PPP4R4: variants seen among roughly 807,000 people sequenced by gnomAD.
The protein encoded by PPP4R4 is protein phosphatase 4 regulatory subunit 4, also known as serine/threonine-protein phosphatase 4 regulatory subunit 4.
Under a neutral mutation model 121.8 loss-of-function variants are expected in PPP4R4, and 70 were observed. The observed-to-expected ratio is 0.57, with a 90% CI of 0.47 to 0.70. The LOEUF (loss-of-function observed/expected upper bound fraction) is 0.70. Among genes scored for constraint, PPP4R4 ranks in the 30% least tolerant of loss-of-function variants. The pLI, the probability that PPP4R4 is intolerant of heterozygous loss-of-function variation, is 0.00. For synonymous variants in PPP4R4, 348 were observed against 355.7 expected (o/e 0.98, Z 0.24); for missense variants, 875 against 1,033.6 (o/e 0.85, Z 2.10).
intron 2 of PPP4R4, among the ~76,000 whole-genome samples, chr14:94,193,096 AT>A (rs1195833011): frequency 6.6e-6 from 1 of 152,134 alleles, no homozygotes; most frequent in African/African-American, 2.4e-5. Context: ...TCCTTTCTTG[AT>A]TGCAACAAAT....
At chr14:94,270,936 A>C (rs1257908948) in intron 23 of PPP4R4, among the ~76,000 whole-genome samples, 1 of 151,030 alleles carries the variant, frequency 6.6e-6, no homozygotes, top group African/African-American at 2.4e-5. Flanking sequence ...AAACAACAAC[A>C]ACAACAACAA....
intron 1 of PPP4R4, among the ~76,000 whole-genome samples, chr14:94,175,070 G>A (rs922742334): frequency 6.8e-6 from 1 of 148,094 alleles, no homozygotes; most frequent in African/African-American, 2.5e-5. Context: ...GACGCCGCCC[G>A]GGTTCTGGCC....
chr14:94,242,445 G>A, intron 11 of PPP4R4, 37 bp downstream of exon 11: 1 of 1,568,872 alleles, frequency 6.4e-7, no homozygotes. Context: ...TACGTTTGTT[G>A]TTAATTCTAC....
chr14:94,200,668 AT>A (rs1275509378), intron 2 of PPP4R4, among the ~76,000 whole-genome samples: 2 of 151,748 alleles, frequency 1.3e-5, no homozygotes, highest in Non-Finnish European at 2.9e-5. Context: ...TTTCTGTGGT[AT>A]TGGTTGTGAT....
intron 23 of PPP4R4, 124 bp downstream of exon 23, chr14:94,267,153 C>T (rs1288462974): frequency 1.7e-6 from 1 of 587,712 alleles, no homozygotes. Context: ...TATCAGGTCC[C>T]TAAGAAATTA....
Position 94,279,690 on chromosome 14 carries a change from TAATG to T in PPP4R4, c.*1051_*1054del, listed in dbSNP as rs1221042963. The T allele has an allele frequency of 6.6e-6, 1 of 152,652 alleles. No homozygotes were observed. Among genetic ancestry groups the T allele is most frequent in the African/African-American group, 2.4e-5 (1 of 41,454 alleles). 9.5% of individuals were successfully genotyped at this position (152,652 alleles called of 1,614,324 possible). A position where few individuals can be genotyped will look rare whatever the true frequency, so the allele number is the denominator to read the frequency against. On this transcript the variant is annotated 3_prime_UTR_variant, in exon 25 of 25. Coordinates refer to ENST00000304338, the MANE Select transcript of PPP4R4 (RefSeq NM_058237.2). ...TGTGGTTACTTTTTATAATGTGAAA[TAATG>T]AATAATGAATTTACTCAAAATAAAA...
At chr14:94,270,903 G>A (rs185918681) in intron 23 of PPP4R4, among the ~76,000 whole-genome samples, 1 of 145,710 alleles carries the variant, frequency 6.9e-6, no homozygotes, top group East Asian at 2.3e-4. Flanking sequence ...GGGAGACAGA[G>A]TGAGACTCCA....
intron 19 of PPP4R4, among the ~76,000 whole-genome samples, chr14:94,263,933 A>G (rs1893904556): frequency 6.6e-6 from 1 of 151,930 alleles, no homozygotes; most frequent in African/African-American, 2.4e-5. Context: ...CCACTTGTTG[A>G]CTCTAGTATT....
chr14:94,245,485 GA>G (rs34860578), intron 12 of PPP4R4, 101 bp from the exon 13 acceptor site: 75,988 of 424,958 alleles, frequency 0.18, 4,281 homozygotes, highest in Admixed American at 0.34. Flanking sequence ...TTATTTGGGG[GA>G]AAAAAAAAAA....
At chr14:94,191,422 T>A (rs555686293) in intron 2 of PPP4R4, among the ~76,000 whole-genome samples, 1 of 152,184 alleles carries the variant, frequency 6.6e-6, no homozygotes, top group Non-Finnish European at 1.5e-5. Flanking sequence ...TTTCAATACA[T>A]GTATGCAGTG....
intron 3 of PPP4R4, among the ~76,000 whole-genome samples, chr14:94,210,031 A>G (rs1173279893): frequency 6.6e-6 from 1 of 152,018 alleles, no homozygotes; most frequent in Non-Finnish European, 1.5e-5. Flanking sequence ...ATGGGAGTAT[A>G]TAAAGAATAT....
chr14:94,191,745 A>G (rs956024376), intron 2 of PPP4R4, among the ~76,000 whole-genome samples: 4 of 152,198 alleles, frequency 2.6e-5, no homozygotes, highest in African/African-American at 9.6e-5. Flanking sequence ...GGCATTGATA[A>G]TAAAGGATAC....
intron 17 of PPP4R4, 50 bp downstream of exon 17, chr14:94,256,654 A>T: frequency 6.8e-7 from 1 of 1,470,182 alleles, no homozygotes; most frequent in Non-Finnish European, 9.3e-7. Context: ...TAAGGCAGTA[A>T]GAATCTTAGC....
chr14:94,258,246 A>G (rs1298775323), intron 17 of PPP4R4, among the ~76,000 whole-genome samples: 1 of 152,182 alleles, frequency 6.6e-6, no homozygotes, highest in East Asian at 1.9e-4. Flanking sequence ...TCTATCAGAG[A>G]CAGAACCCTG....
At chr14:94,218,744 GCA>G (rs144373430) in intron 3 of PPP4R4, among the ~76,000 whole-genome samples, 11 of 110,218 alleles carry the variant, frequency 1.0e-4, no homozygotes, top group African/African-American at 1.0e-4. Context: ...GTGCGCGCGC[GCA>G]CACACACACA....
intron 3 of PPP4R4, among the ~76,000 whole-genome samples, chr14:94,219,998 T>G (rs946957422): frequency 6.6e-6 from 1 of 151,972 alleles, no homozygotes; most frequent in African/African-American, 2.4e-5. Context: ...CCGAGGCAGG[T>G]GGATCATGAA....
At chr14:94,275,319 T>C (rs1287335122) in intron 23 of PPP4R4, 55 bp from the exon 24 acceptor site, 3 of 1,575,796 alleles carry the variant, frequency 1.9e-6, no homozygotes, top group Non-Finnish European at 1.7e-6. Context: ...TTCTCTTTGG[T>C]TACCCTCTTT....
intron 18 of PPP4R4, 22 bp downstream of exon 18, chr14:94,258,846 T>G: frequency 6.4e-7 from 1 of 1,569,904 alleles, no homozygotes; most frequent in East Asian, 2.2e-5. Context: ...CTCTTTACCT[T>G]ATTGTGTTGG....
At chr14:94,222,494 T>A (rs1891461293) in intron 3 of PPP4R4, among the ~76,000 whole-genome samples, 1 of 151,948 alleles carries the variant, frequency 6.6e-6, no homozygotes, top group South Asian at 2.1e-4. Context: ...CTCCTAGATA[T>A]TGTTTTATCT....
Sources: allele counts gnomAD v4.1 joint callset (sites outside exome capture counted in the v4.1 genomes callset), GRCh38; gene constraint gnomAD v4.1.1; transcripts MANE v1.5; gene names NCBI Gene and HGNC (gene_info 2026-07-23, HGNC 2026-07-21).